INPP5D: variants seen among roughly 807,000 people sequenced by gnomAD.
The protein encoded by INPP5D is phosphatidylinositol 3,4,5-trisphosphate 5-phosphatase 1.
Under a neutral mutation model 122.9 loss-of-function variants are expected in INPP5D, and 33 were observed. The ratio of observed to expected loss-of-function variants is 0.27; its 90% CI spans 0.20 to 0.36. The LOEUF (loss-of-function observed/expected upper bound fraction) is 0.36, where lower values mean the gene tolerates loss of function less well. Among genes scored for constraint, INPP5D ranks in the 10% least tolerant of loss-of-function variants. The pLI, the probability that INPP5D is intolerant of heterozygous loss-of-function variation, is 1.00. For synonymous variants in INPP5D, 584 were observed against 576.2 expected, an observed-to-expected ratio of 1.01 and a Z score of -0.19; for missense variants, 1,053 against 1,412.7, an observed-to-expected ratio of 0.75 and a Z score of 4.08.
At chr2:233,099,229 G>A (rs1335757693) in intron 2 of INPP5D, among the ~76,000 whole-genome samples, 3 of 152,174 alleles carry the variant, frequency 2.0e-5, no homozygotes, top group South Asian at 2.1e-4. Flanking sequence ...GGGATCACAC[G>A]TGTGAGCCAC....
Position 233,100,568 on chromosome 2 carries a change from C to G in INPP5D, c.198+21170C>G, listed in dbSNP as rs527763832. Among the ~76,000 whole-genome samples, 1 of 152,222 alleles carries G rather than the reference C, an allele frequency of 6.6e-6. No individual in the cohort carries two copies. The highest frequency in any genetic ancestry group is 1.5e-5 in the Non-Finnish European group (1 of 68,042). On this transcript the variant is annotated intron_variant, in intron 2 of 26. Transcript: ENST00000445964. The surrounding 1 kb of genome is among the most constrained non-coding windows in gnomAD (Gnocchi z 5.3). Reference sequence around the variant, plus strand: ...TCCTGGCTCTCTCCTCTCAGCATCCCCCATGGACTCATGGGCACCCCCGGT... The same window carrying G: ...TCCTGGCTCTCTCCTCTCAGCATCCGCCATGGACTCATGGGCACCCCCGGT...
At chr2:233,114,699 GGGAAATGGAAGTAATA>G (rs1692734406) in intron 2 of INPP5D, among the ~76,000 whole-genome samples, 1 of 152,092 alleles carries the variant, frequency 6.6e-6, no homozygotes, top group Non-Finnish European at 1.5e-5. Context: ...TCTCCCCACT[GGGAAATGGAAGTAATA>G]AAAACAGCAG....
At chr2:233,178,505 C>T (rs763790934) in intron 18 of INPP5D, among the ~76,000 whole-genome samples, 8 of 135,466 alleles carry the variant, frequency 5.9e-5, no homozygotes, top group East Asian at 2.1e-4. Flanking sequence ...TTTATTGAGA[C>T]GGAGTCTCTC....
At chr2:233,127,480 G>A (rs1693195336) in intron 4 of INPP5D, among the ~76,000 whole-genome samples, 1 of 152,218 alleles carries the variant, frequency 6.6e-6, no homozygotes, top group Non-Finnish European at 1.5e-5. Context: ...ATGACAACTT[G>A]CACAGTCTTT....
chr2:233,110,510 C>G (rs976622414), intron 2 of INPP5D, among the ~76,000 whole-genome samples: 16 of 152,190 alleles, frequency 1.1e-4, no homozygotes, highest in South Asian at 2.1e-4. Context: ...ACAAGATGCT[C>G]TCTAACCTCC....
rs1354787935 is a variant in INPP5D, at chr2:233,146,374, C to T, written c.842C>T (p.Ala281Val). The T allele has an allele frequency of 1.4e-6, 1 of 704,204 alleles. No individual in the cohort carries two copies. The highest frequency in any genetic ancestry group is 2.0e-5 in the Admixed American group (1 of 50,008). The allele number at this position is 704,204 out of a possible 1,614,324, so 43.6% of individuals were successfully genotyped here. The change falls in exon 8 of 27, where the codon GCC (alanine) becomes GTC (valine). Residue 281 changes from alanine to valine, a missense_variant. This residue lies in a region of INPP5D where 196 missense variants were observed against 175.6 expected (regional missense o/e 1.12). Transcript: ENST00000445964. ...LLSSIEDKVK[A>V]LLHEGPESPH... ...TAACGCTGCTGCCCACAGGTCAAGG[C>T]CTTGCTGCACGAGGGTCCTGAGTCT...
chr2:233,206,177 G>C lies in INPP5D; in HGVS notation c.3568-529G>C, dbSNP rs1331495596. Among the ~76,000 whole-genome samples, 2 of 152,108 alleles carry C rather than the reference G, an allele frequency of 1.3e-5. No individual in the cohort carries two copies. Among genetic ancestry groups the C allele is most frequent in the Non-Finnish European group, 2.9e-5 (2 of 68,032 alleles). On this transcript the variant is annotated intron_variant, in intron 26 of 26. Transcript: ENST00000445964. This position sits in a 1 kb window ranked among gnomAD's most constrained non-coding sequence, Gnocchi z 4.0. The stretch of plus-strand genomic sequence containing the variant: ...TCAGTTTACCCATCTGTAAAAAGGG[G>C]CTGTTAATAGTACCTACCTCATAGA...
At chr2:233,194,170 A>G (rs1294626523) in intron 23 of INPP5D, among the ~76,000 whole-genome samples, 3 of 151,394 alleles carry the variant, frequency 2.0e-5, no homozygotes, top group Non-Finnish European at 4.4e-5. Context: ...CCCCCAGATC[A>G]CCCTCCCCGA....
chr2:233,074,998 TC>T (rs1310397423), intron 1 of INPP5D, among the ~76,000 whole-genome samples: 1 of 152,156 alleles, frequency 6.6e-6, no homozygotes, highest in Non-Finnish European at 1.5e-5. Flanking sequence ...CACGGGCTTG[TC>T]CTCCCATATT....
At chr2:233,186,314 G>A (rs1162847290) in intron 21 of INPP5D, among the ~76,000 whole-genome samples, 2 of 152,056 alleles carry the variant, frequency 1.3e-5, no homozygotes, top group African/African-American at 2.4e-5. Flanking sequence ...CCTCTTTGAC[G>A]CTTGTTTTCC....
intron 2 of INPP5D, among the ~76,000 whole-genome samples, chr2:233,097,630 T>A (rs776819143): frequency 7.2e-5 from 11 of 152,218 alleles, no homozygotes; most frequent in Non-Finnish European, 1.5e-4. Context: ...GTTTTGTGGG[T>A]ATCTAGGAAA....
intron 7 of INPP5D, 46 bp from the exon 8 acceptor site, chr2:233,146,321 G>A (rs1288552620): frequency 2.8e-6 from 2 of 704,270 alleles, no homozygotes; most frequent in Non-Finnish European, 2.6e-6. Flanking sequence ...AGATGCACAG[G>A]CTCGGCGTCC....
Position 233,170,054 on chromosome 2 carries a change from C to T in INPP5D, c.1681C>T (p.Arg561Trp), listed in dbSNP as rs748779670. 2.5e-6 allele frequency: 4 copies of T among 1,614,040 alleles called. No individual in the cohort carries two copies. The highest frequency in any genetic ancestry group is 1.7e-5 in the Admixed American group (1 of 60,026). The change falls in exon 15 of 27, where the codon CGG (arginine) becomes TGG (tryptophan). Residue 561 changes from arginine to tryptophan, a missense_variant. Arg to Trp is a moderately radical substitution (Grantham distance 101, BLOSUM62 -3). Transcript: ENST00000445964. The surrounding 1 kb of genome is among the most constrained non-coding windows in gnomAD (Gnocchi z 4.5). ...RRNQNYMNIL[R>W]FLALGDKKLS... ...AAACCAAAACTATATGAACATTCTC[C>T]GGTTCCTGGCCCTGGGCGACAAGAA... is the stretch of plus-strand genomic sequence containing the variant.
chr2:233,181,762 T>C (rs538698464), intron 18 of INPP5D, among the ~76,000 whole-genome samples: 8 of 152,270 alleles, frequency 5.3e-5, no homozygotes, highest in African/African-American at 1.9e-4. Context: ...CTGAGTGGCC[T>C]TAAGTCCCCT....
chr2:233,086,174 TTTC>T (rs1256504767), intron 2 of INPP5D, among the ~76,000 whole-genome samples: 2 of 145,478 alleles, frequency 1.4e-5, no homozygotes, highest in Non-Finnish European at 3.0e-5. Context: ...TCTTTCTTTC[TTTC>T]TTTCTTTCTT....
rs540426574 is a variant in INPP5D at position 233,082,737 on chromosome 2, T to TA, written c.198+3347dup. On this transcript the variant is annotated intron_variant, in intron 2 of 26. Coordinates refer to ENST00000445964, the MANE Select transcript of INPP5D (RefSeq NM_001017915.3). This position sits in a 1 kb window ranked among gnomAD's most constrained non-coding sequence, Gnocchi z 4.7. ...TCTCTCACTCCATCTTTCACAGACTTAAAAAAAATCCGAGATGGGAGGGCA... is the reference window on the plus strand; with the variant it reads ...TCTCTCACTCCATCTTTCACAGACTTAAAAAAAAATCCGAGATGGGAGGGCA... 1.1e-4 allele frequency among the ~76,000 whole-genome samples: 17 copies of TA among 152,048 alleles called. No individual in the cohort carries two copies. In the East Asian group the frequency reaches 2.5e-3, roughly 22 times the overall value.
In INPP5D at chr2:233,125,904, G is replaced by C; in HGVS notation, c.509G>C (p.Ser170Thr). 2 of 1,613,666 alleles carry C rather than the reference G, an allele frequency of 1.2e-6. No homozygotes were observed. Among genetic ancestry groups the C allele is most frequent in the Admixed American group, 3.3e-5 (2 of 59,964 alleles). ...LSETLFQRLQ[S>T]MDTSGLPEEH... ...GAGACATTGTTCCAGCGACTGCAAA[G>C]CATGGACACCAGTGGGTGAGTCCCC... The change falls in exon 4 of 27, where the codon AGC becomes ACC. Residue 170 changes from serine to threonine, a missense_variant. Ser to Thr is a moderately conservative substitution (Grantham distance 58). Around this residue, in one of 6 missense-constraint regions of INPP5D, gnomAD observed 196 missense variants for 175.6 expected, o/e 1.12. Transcript: ENST00000445964.
Position 233,164,706 on chromosome 2 carries a change from G to A in INPP5D, c.1555+282G>A, listed in dbSNP as rs767304531. 3.3e-5 allele frequency among the ~76,000 whole-genome samples: 5 copies of A among 152,168 alleles called. No individual in the cohort carries two copies. The highest frequency in any genetic ancestry group is 7.2e-5 in the African/African-American group (3 of 41,440). On this transcript the variant is annotated intron_variant, in intron 13 of 26. Transcript: ENST00000445964. This position sits in a 1 kb window ranked among gnomAD's most constrained non-coding sequence, Gnocchi z 4.3. ...CCAAGTTTCTGACAGGTTCCCAGGC[G>A]ACTTGAGCGCTGCTGGTCGGCCCGT...
chr2:233,075,685 C>T (rs1266441189), intron 1 of INPP5D, among the ~76,000 whole-genome samples: 1 of 152,094 alleles, frequency 6.6e-6, no homozygotes, highest in Non-Finnish European at 1.5e-5. Flanking sequence ...CTTCCTCCAC[C>T]GCTTGGCAGA....
Sources: allele counts gnomAD v4.1 joint callset (sites outside exome capture counted in the v4.1 genomes callset), GRCh38; gene constraint gnomAD v4.1.1; regional missense constraint gnomAD v4.1.1; non-coding constraint Gnocchi (gnomAD v3.1); transcripts MANE v1.5; gene names NCBI Gene and HGNC (gene_info 2026-07-23, HGNC 2026-07-21).